The following ACBD5 variants were observed in gnomAD, a reference collection of about 807,000 sequenced individuals.
The protein encoded by ACBD5 is acyl-CoA binding domain containing 5.
ACBD5 carries 40 observed loss-of-function variants against 71.8 expected under a neutral mutation model. That is an observed-to-expected ratio of 0.56 (90% CI 0.43 to 0.72). The LOEUF is 0.72. Among genes scored for constraint, ACBD5 ranks in the 30% least tolerant of loss-of-function variants. ACBD5 has a pLI of 0.00. For missense variants in ACBD5, 559 were observed against 644.5 expected, an observed-to-expected ratio of 0.87 and a Z score of 1.44; for synonymous variants, 229 against 218.6, an observed-to-expected ratio of 1.05 and a Z score of -0.42.
intron 3 of ACBD5, chr10:27,232,218 T>C (rs1257232664): frequency 1.3e-5 from 2 of 156,614 alleles, no homozygotes; most frequent in African/African-American, 4.8e-5. Flanking sequence ...ACAGGCATGT[T>C]TTATTTTTTC....
chr10:27,241,720 T>TA (rs79408135), upstream of ACBD5, among the ~76,000 whole-genome samples: 6 of 150,410 alleles, frequency 4.0e-5, no homozygotes, highest in African/African-American at 1.5e-4. Context: ...AACCAATAAT[T>TA]AAAAAAAAAA....
intron 12 of ACBD5, among the ~76,000 whole-genome samples, chr10:27,202,257 A>G (rs903322350): frequency 2.0e-5 from 3 of 152,170 alleles, no homozygotes; most frequent in Non-Finnish European, 4.4e-5. Context: ...CCTACTTCCA[A>G]CCACAGTTAA....
intron 9 of ACBD5, among the ~76,000 whole-genome samples, chr10:27,210,139 A>G (rs2060909541): frequency 6.6e-6 from 1 of 152,218 alleles, no homozygotes; most frequent in Non-Finnish European, 1.5e-5. Flanking sequence ...CTAGCCTTGT[A>G]GGAATGGAAT....
Position 27,218,098 on chromosome 10 carries a change from C to T in ACBD5, c.711G>A (p.Gln237=). 6.2e-7 allele frequency: 1 copy of T among 1,614,104 alleles called. No individual in the cohort carries two copies. The highest frequency in any genetic ancestry group is 1.1e-5 in the South Asian group (1 of 91,076). Reference sequence around the variant, plus strand: ...TGGCATGAATGTCATTCTGTATATCCTGAACAAAGCCATCTTTATCATAGC... The same window carrying T: ...TGGCATGAATGTCATTCTGTATATCTTGAACAAAGCCATCTTTATCATAGC... The part of the protein sequence containing the change: ...TNGYDKDGFV[Q]DIQNDIHASS... Residue 237 remains glutamine (Q), a synonymous_variant, in exon 7 of 13, where the codon CAG becomes CAA. Transcript: ENST00000396271.
chr10:27,229,575 T>A (rs541653208), intron 4 of ACBD5, among the ~76,000 whole-genome samples: 2 of 152,136 alleles, frequency 1.3e-5, no homozygotes, highest in South Asian at 4.1e-4. Flanking sequence ...AAAAACTATA[T>A]TTAAGGAGGT....
downstream of ACBD5, among the ~76,000 whole-genome samples, chr10:27,192,219 C>T (rs1306880492): frequency 6.6e-6 from 1 of 150,594 alleles, no homozygotes; most frequent in Non-Finnish European, 1.5e-5. Flanking sequence ...ACTGGAAAAC[C>T]TACAAGAAAT....
intron 3 of ACBD5, among the ~76,000 whole-genome samples, chr10:27,234,225 A>C (rs1422174726): frequency 6.6e-6 from 1 of 152,142 alleles, no homozygotes; most frequent in Non-Finnish European, 1.5e-5. Flanking sequence ...TAATTCTTTT[A>C]GTTTATAGTT....
chr10:27,211,085 C>T lies in ACBD5; in HGVS notation c.937-4G>A. On this transcript the variant is annotated splice_polypyrimidine_tract_variant and splice_region_variant and intron_variant, in intron 8 of 12. Transcript: ENST00000396271. ...TGGACGTAAAGCTGTCTAAAGACTACAAATTAGAAATGACACTTAGTTAAA... is the reference window on the plus strand; with the variant it reads ...TGGACGTAAAGCTGTCTAAAGACTATAAATTAGAAATGACACTTAGTTAAA... 14 of 1,613,762 alleles carry T rather than the reference C, an allele frequency of 8.7e-6. No individual in the cohort carries two copies. Among genetic ancestry groups the T allele is most frequent in the Non-Finnish European group, 1.1e-5 (13 of 1,179,804 alleles).
intron 3 of ACBD5, among the ~76,000 whole-genome samples, chr10:27,233,763 G>A (rs1347297715): frequency 6.6e-6 from 1 of 152,110 alleles, no homozygotes; most frequent in Non-Finnish European, 1.5e-5. Context: ...CCACTGGGGC[G>A]GGAGCGGGGG....
chr10:27,239,752 T>G (rs1239485306), intron 2 of ACBD5, among the ~76,000 whole-genome samples: 1 of 152,068 alleles, frequency 6.6e-6, no homozygotes, highest in Non-Finnish European at 1.5e-5. Context: ...TTTGTTTGTT[T>G]GTTTGTTTGT....
At chr10:27,212,585 T>C (rs1225979786) in intron 8 of ACBD5, among the ~76,000 whole-genome samples, 1 of 149,222 alleles carries the variant, frequency 6.7e-6, no homozygotes, top group Non-Finnish European at 1.5e-5. Context: ...GCTGCTTTTT[T>C]TTTTTTTTTT....
chr10:27,204,929 C>T (rs916736447), intron 11 of ACBD5, among the ~76,000 whole-genome samples: 2 of 151,486 alleles, frequency 1.3e-5, no homozygotes, highest in Non-Finnish European at 2.9e-5. Flanking sequence ...AGATCGAGAC[C>T]ATCTTGGCTA....
intron 2 of ACBD5, among the ~76,000 whole-genome samples, chr10:27,237,502 A>G (rs1240423148): frequency 1.3e-5 from 2 of 152,234 alleles, no homozygotes; most frequent in East Asian, 3.8e-4. Context: ...TAAAAGTAGT[A>G]TTACAAAAAT....
At chr10:27,192,381 C>T (rs1444267046), downstream of ACBD5, among the ~76,000 whole-genome samples, 2 of 151,916 alleles carry the variant, frequency 1.3e-5, no homozygotes, top group East Asian at 3.9e-4. Flanking sequence ...GAAATAAATC[C>T]CAGAGAGTAA....
chr10:27,235,848 C>T (rs939422480), intron 2 of ACBD5, among the ~76,000 whole-genome samples: 3 of 152,122 alleles, frequency 2.0e-5, no homozygotes, highest in Non-Finnish European at 4.4e-5. Context: ...TGTGGTGGCT[C>T]ATGTCTGTAA....
intron 4 of ACBD5, among the ~76,000 whole-genome samples, chr10:27,229,295 T>C (rs1358902922): frequency 6.6e-6 from 1 of 151,868 alleles, no homozygotes; most frequent in Non-Finnish European, 1.5e-5. Context: ...TAAAGAATAA[T>C]GACAGTGACA....
chr10:27,238,936 G>T (rs2065113518), intron 2 of ACBD5, among the ~76,000 whole-genome samples: 1 of 152,214 alleles, frequency 6.6e-6, no homozygotes, highest in South Asian at 2.1e-4. Flanking sequence ...GGTGGCTCAT[G>T]CCTGTAATCC....
rs1189204628 is a variant in ACBD5 at position 27,210,864 on chromosome 10, T to A, written c.1154A>T (p.Glu385Val). The change falls in exon 9 of 13, where the codon GAG becomes GTG. Residue 385 changes from glutamate to valine, a missense_variant. By Grantham distance (121) the Glu-to-Val change is moderately radical. Coordinates refer to ENST00000396271, the MANE Select transcript of ACBD5 (RefSeq NM_145698.5). Reference protein sequence around the residue: ...GRNNSGAPHREKRGGETDEFS... With the variant: ...GRNNSGAPHRVKRGGETDEFS... ...TTCGTCAGTTTCTCCGCCTCGCTTC[T>A]CCCGGTGTGGTGCTCCGCTGTTATT... is the stretch of plus-strand genomic sequence containing the variant. 1.2e-6 allele frequency: 2 copies of A among 1,614,112 alleles called. No individual in the cohort carries two copies. The highest frequency in any genetic ancestry group is 1.7e-6 in the Non-Finnish European group (2 of 1,180,042).
At chr10:27,182,840 G>A (rs1345552965) in intron 13 of ACBD5, among the ~76,000 whole-genome samples, 1 of 148,010 alleles carries the variant, frequency 6.8e-6, no homozygotes. Context: ...TAAAGACAGT[G>A]TCTCACTATG....
Sources: gnomAD v4.1 joint callset for allele counts (sites outside exome capture counted in the v4.1 genomes callset) on GRCh38, gnomAD v4.1.1 for gene constraint, MANE v1.5 for transcripts, NCBI Gene and HGNC (gene_info 2026-07-23, HGNC 2026-07-21) for gene names.